Variants in RGS6 observed in about 807,000 individuals in gnomAD.
RGS6 encodes the protein regulator of G protein signaling 6.
RGS6 carries 30 observed loss-of-function variants against 78.5 expected under a neutral mutation model. The observed-to-expected ratio is 0.38, with a 90% CI of 0.29 to 0.52. RGS6 has a LOEUF of 0.52. Ranked by LOEUF, RGS6 falls within the 20% of genes least tolerant of loss-of-function variation. The probability of loss-of-function intolerance (pLI) is 0.85; values close to 1 mark genes in which losing one functional copy is unlikely to be tolerated. For missense variants in RGS6, 495 were observed against 609.7 expected, an observed-to-expected ratio of 0.81 and a Z score of 1.98; for synonymous variants, 206 against 206.0, an observed-to-expected ratio of 1.00 and a Z score of 0.00.
chr14:72,186,010 C>A (rs1427879919), intron 2 of RGS6, among the ~76,000 whole-genome samples: 1 of 152,218 alleles, frequency 6.6e-6, no homozygotes, highest in Non-Finnish European at 1.5e-5. Flanking sequence ...TCAAAATAAT[C>A]CTGTGAGTAT....
chr14:72,092,670 T>C (rs1397762313), intron 2 of RGS6, among the ~76,000 whole-genome samples: 1 of 152,172 alleles, frequency 6.6e-6, no homozygotes, highest in African/African-American at 2.4e-5. Context: ...GCGTGAACCA[T>C]TGCGCCTGGC....
intron 2 of RGS6, among the ~76,000 whole-genome samples, chr14:72,110,726 C>T (rs886185768): frequency 1.3e-5 from 2 of 152,124 alleles, no homozygotes; most frequent in East Asian, 1.9e-4. Context: ...TGAGCAATAA[C>T]GAAAACCAGA....
At chr14:72,083,309 C>T (rs185278406) in intron 2 of RGS6, among the ~76,000 whole-genome samples, 30 of 152,240 alleles carry the variant, frequency 2.0e-4, no homozygotes, top group African/African-American at 7.0e-4. Flanking sequence ...AGTCTGGAAA[C>T]ATCTTTGTGC....
At chr14:72,613,648 G>A in the RGS6 span, among the ~76,000 whole-genome samples, 1 of 152,184 alleles carries the variant, frequency 6.6e-6, no homozygotes, top group African/African-American at 2.4e-5. Context: ...AACCCAGAGA[G>A]AGCCTGTTCC....
intron 2 of RGS6, among the ~76,000 whole-genome samples, chr14:72,225,736 T>C (rs910774548): frequency 6.6e-6 from 1 of 152,202 alleles, no homozygotes; most frequent in Non-Finnish European, 1.5e-5. Flanking sequence ...AAAAATTCTA[T>C]GCTTTTTGCA....
intron 17 of RGS6, among the ~76,000 whole-genome samples, chr14:72,556,071 T>C (rs1410626660): frequency 6.6e-6 from 1 of 152,094 alleles, no homozygotes; most frequent in Non-Finnish European, 1.5e-5. Context: ...ATAGGAGAAC[T>C]GGCAACTCTT....
At chr14:72,120,570 C>T (rs1017525026) in intron 2 of RGS6, among the ~76,000 whole-genome samples, 2 of 152,264 alleles carry the variant, frequency 1.3e-5, no homozygotes, top group African/African-American at 4.8e-5. Context: ...AGGATACCAC[C>T]CAAATGTTTA....
At chr14:72,582,748 A>T in the RGS6 span, among the ~76,000 whole-genome samples, 1 of 152,170 alleles carries the variant, frequency 6.6e-6, no homozygotes. Context: ...TATTGGATGA[A>T]TGACATGGCT....
intron 3 of RGS6, among the ~76,000 whole-genome samples, chr14:72,356,713 C>A (rs1367659526): frequency 6.6e-6 from 1 of 152,004 alleles, no homozygotes; most frequent in African/African-American, 2.4e-5. Context: ...TGAGTGAGTT[C>A]TAATGAGATC....
At chr14:72,561,915 C>A (rs1246820976) in intron 17 of RGS6, among the ~76,000 whole-genome samples, 3 of 152,166 alleles carry the variant, frequency 2.0e-5, no homozygotes, top group African/African-American at 4.8e-5. Flanking sequence ...TTTGTGTCTA[C>A]CCTGCATTCC....
At chr14:72,026,153 T>A (rs963703097) in intron 2 of RGS6, among the ~76,000 whole-genome samples, 3 of 152,094 alleles carry the variant, frequency 2.0e-5, no homozygotes, top group Non-Finnish European at 4.4e-5. Context: ...ACACCTGTAA[T>A]CCCAGCACTT....
intron 3 of RGS6, among the ~76,000 whole-genome samples, chr14:72,440,698 C>T (rs1298973416): frequency 6.6e-6 from 1 of 152,164 alleles, no homozygotes; most frequent in Non-Finnish European, 1.5e-5. Flanking sequence ...TAAACGTGAA[C>T]CACCGCGCCT....
intron 2 of RGS6, among the ~76,000 whole-genome samples, chr14:72,218,634 A>G (rs1292290773): frequency 6.6e-6 from 1 of 151,574 alleles, no homozygotes; most frequent in Non-Finnish European, 1.5e-5. Context: ...TTTATTTGAG[A>G]TGGAGTCTCT....
chr14:72,558,961 C>G lies in RGS6; in HGVS notation c.1423-3456C>G, dbSNP rs2097629444. Among the ~76,000 whole-genome samples the G allele has an allele frequency of 2.6e-5, 4 of 152,326 alleles. No homozygotes were observed. In the South Asian group the frequency reaches 8.3e-4, roughly 32 times the overall value. On this transcript the variant is annotated intron_variant, in intron 17 of 17. Transcript: ENST00000553525. ...ACGCCAAGGCCTCGGGCTGAGCTGG[C>G]TGCGGTTTCCTGGCACCATGATCCA...
intron 9 of RGS6, among the ~76,000 whole-genome samples, chr14:72,473,557 A>G (rs554264871): frequency 2.5e-4 from 38 of 152,322 alleles, no homozygotes; most frequent in African/African-American, 9.1e-4. Flanking sequence ...CCAAATTAAC[A>G]ATTTCCATTT....
intron 2 of RGS6, among the ~76,000 whole-genome samples, chr14:72,181,180 C>T (rs967102533): frequency 2.6e-5 from 4 of 152,178 alleles, no homozygotes; most frequent in African/African-American, 9.6e-5. Context: ...TCAGAGAAAG[C>T]TATTGTTAAA....
intron 14 of RGS6, among the ~76,000 whole-genome samples, chr14:72,510,817 G>A (rs1394037225): frequency 6.6e-6 from 1 of 152,180 alleles, no homozygotes. Context: ...CTTTTAGAAT[G>A]ACTTCTGTCG....
At chr14:72,548,357 G>T (rs1356663889) in intron 17 of RGS6, among the ~76,000 whole-genome samples, 1 of 150,160 alleles carries the variant, frequency 6.7e-6, no homozygotes, top group Non-Finnish European at 1.5e-5. Flanking sequence ...GCGTGTGTGT[G>T]TGTGTGTGTG....
chr14:72,093,112 C>G (rs1192173268), intron 2 of RGS6, among the ~76,000 whole-genome samples: 1 of 151,944 alleles, frequency 6.6e-6, no homozygotes, highest in Non-Finnish European at 1.5e-5. Context: ...AGAACATGAC[C>G]AACATGATTG....
Sources: allele counts gnomAD v4.1 joint callset (sites outside exome capture counted in the v4.1 genomes callset), GRCh38; gene constraint gnomAD v4.1.1; transcripts MANE v1.5; gene names NCBI Gene and HGNC (gene_info 2026-07-23, HGNC 2026-07-21).